SOS2: variants seen among roughly 807,000 people sequenced by gnomAD.
SOS2 encodes son of sevenless homolog 2.
SOS2 carries 65 observed loss-of-function variants against 148.2 expected under a neutral mutation model. The observed-to-expected ratio is 0.44, with a 90% confidence interval of 0.36 to 0.54. The LOEUF (loss-of-function observed/expected upper bound fraction) is 0.54, where lower values mean the gene tolerates loss of function less well. Ranked by LOEUF, SOS2 falls within the 20% of genes least tolerant of loss-of-function variation. SOS2 has a pLI of 0.00. For synonymous variants in SOS2, 539 were observed against 537.1 expected, an observed-to-expected ratio of 1.00 and a Z score of -0.05; for missense variants, 1,341 against 1,590.2, an observed-to-expected ratio of 0.84 and a Z score of 2.67.
intron 16 of SOS2, among the ~76,000 whole-genome samples, chr14:50,142,444 T>TA (rs1162519840): frequency 2.0e-5 from 3 of 151,798 alleles, no homozygotes; most frequent in Non-Finnish European, 4.4e-5. Flanking sequence ...AACAACCCAC[T>TA]AAAAAAAATA....
chr14:50,201,523 C>T (rs1328881643), intron 2 of SOS2, among the ~76,000 whole-genome samples: 5 of 94,438 alleles, frequency 5.3e-5, no homozygotes, highest in African/African-American at 1.8e-4. Flanking sequence ...GAGAGGGAGA[C>T]CCCCAACAGA....
chr14:50,180,703 A>G, intron 6 of SOS2, 21 bp from the exon 7 acceptor site: 1 of 1,311,470 alleles, frequency 7.6e-7, no homozygotes, highest in African/African-American at 1.5e-5. Context: ...AAAAAGAGAA[A>G]AAGCATTAGG....
chr14:50,161,004 C>T (rs181898381), intron 9 of SOS2, among the ~76,000 whole-genome samples: 108 of 151,672 alleles, frequency 7.1e-4, no homozygotes, highest in African/African-American at 2.5e-3. Flanking sequence ...GAGTGAGACC[C>T]TGTCTCTTAA....
intron 21 of SOS2, among the ~76,000 whole-genome samples, chr14:50,127,425 A>C (rs942914573): frequency 5.3e-5 from 8 of 152,120 alleles, no homozygotes; most frequent in African/African-American, 1.7e-4. Context: ...TACAGTCGTG[A>C]GCCACCGCGC....
Position 50,118,287 on chromosome 14 carries a change from T to C in SOS2, c.*57A>G, listed in dbSNP as rs1442457590. On this transcript the variant is annotated 3_prime_UTR_variant, in exon 23 of 23. Transcript: ENST00000216373. ...AATACTATGTCTTTTTTTGAATAAA[T>C]TAAAAAAAAAACTTTACAAATACCA... 2 of 1,424,152 alleles carry C rather than the reference T, an allele frequency of 1.4e-6. No individual in the cohort carries two copies. The highest frequency in any genetic ancestry group is 2.3e-5 in the Admixed American group (1 of 43,946). 88.2% of individuals were successfully genotyped at this position (1,424,152 alleles called of 1,614,324 possible).
In SOS2 at chr14:50,156,745, A is replaced by G. The variant is rs138637249; in HGVS notation, c.2057+254T>C. 5 of 191,390 alleles carry G rather than the reference A, an allele frequency of 2.6e-5. No individual in the cohort carries two copies. In the East Asian group the frequency reaches 6.3e-4, roughly 24 times the overall value. The allele number at this position is 191,390 out of a possible 1,614,324, so 11.9% of individuals were successfully genotyped here. ...CTGATACGTAAGCATAACATATCAC[A>G]TGCCAGAGATATGTGATGCAAACAT... On this transcript the variant is annotated intron_variant, in intron 12 of 22. Coordinates refer to ENST00000216373, the MANE Select transcript of SOS2 (RefSeq NM_006939.4).
rs777771034 is a variant in SOS2 at position 50,204,419 on chromosome 14, A to G, written c.88-10T>C. 1.1e-5 allele frequency: 17 copies of G among 1,527,252 alleles called. 1 individual carries two copies. In the African/African-American group the frequency reaches 2.4e-4, roughly 21 times the overall value. 94.6% of individuals were successfully genotyped at this position (1,527,252 alleles called of 1,614,324 possible). A position where few individuals can be genotyped will look rare whatever the true frequency, so the allele number is the denominator to read the frequency against. ...GCACTTGTTCCTGAACCTTTAAAAA[A>G]AAGTTATCAGTTAAAGTAATGGCAA... On this transcript the variant is annotated splice_polypyrimidine_tract_variant and intron_variant, in intron 1 of 22. Coordinates refer to ENST00000216373, the MANE Select transcript of SOS2 (RefSeq NM_006939.4).
intron 21 of SOS2, among the ~76,000 whole-genome samples, chr14:50,128,695 G>A (rs1279073322): frequency 6.6e-6 from 1 of 152,158 alleles, no homozygotes; most frequent in Non-Finnish European, 1.5e-5. Context: ...GGAGACTTGA[G>A]GTAGAGAACC....
At chr14:50,173,628 A>G (rs1200759844) in intron 8 of SOS2, among the ~76,000 whole-genome samples, 1 of 151,928 alleles carries the variant, frequency 6.6e-6, no homozygotes, top group Admixed American at 6.6e-5. Flanking sequence ...TCACCATGTT[A>G]GCCAGGATGG....
Position 50,159,959 on chromosome 14 carries a change from A to C in SOS2, c.1324T>G (p.Phe442Val). Residue 442 changes from phenylalanine (F) to valine (V), a missense_variant, in exon 10 of 23, where the codon TTC becomes GTC. Transcript: ENST00000216373. ...CTTGTCAATGGTCCCTCCATAATGAATTCATTACAACACTGTCCAATATCT... is the reference window on the plus strand; with the variant it reads ...CTTGTCAATGGTCCCTCCATAATGACTTCATTACAACACTGTCCAATATCT... ...GKDIGQCCNEFIMEGPLTRIG... is the reference protein window; with the variant it reads ...GKDIGQCCNEVIMEGPLTRIG... The C allele has an allele frequency of 6.2e-7, 1 of 1,614,162 alleles. No individual in the cohort carries two copies. Among genetic ancestry groups the C allele is most frequent in the Non-Finnish European group, 8.5e-7 (1 of 1,180,028 alleles).
intron 1 of SOS2, among the ~76,000 whole-genome samples, chr14:50,214,475 T>C (rs1300326975): frequency 6.6e-6 from 1 of 152,160 alleles, no homozygotes; most frequent in African/African-American, 2.4e-5. Flanking sequence ...ATTTTAGCCA[T>C]ACATTTCTAA....
chr14:50,211,791 C>G (rs138559650), intron 1 of SOS2, among the ~76,000 whole-genome samples: 1 of 152,008 alleles, frequency 6.6e-6, no homozygotes, highest in East Asian at 1.9e-4. Flanking sequence ...ATGTGTGGCT[C>G]ACATTGTATC....
chr14:50,212,080 A>G (rs914419460), intron 1 of SOS2, among the ~76,000 whole-genome samples: 2 of 152,250 alleles, frequency 1.3e-5, no homozygotes, highest in African/African-American at 4.8e-5. Context: ...TTCCATTCAC[A>G]AAGTCAGACA....
chr14:50,207,884 G>C (rs1886717682), intron 1 of SOS2, among the ~76,000 whole-genome samples: 1 of 145,832 alleles, frequency 6.9e-6, no homozygotes, highest in Non-Finnish European at 1.5e-5. Context: ...CTGGATGACT[G>C]AGCGAGACTC....
At chr14:50,119,852 C>G (rs1883441892) in intron 22 of SOS2, among the ~76,000 whole-genome samples, 1 of 124,780 alleles carries the variant, frequency 8.0e-6, no homozygotes, top group Non-Finnish European at 1.6e-5. Context: ...GCAATTGTTG[C>G]CCAGACTGGA....
chr14:50,140,126 T>C (rs1036123100), intron 16 of SOS2, 67 bp from the exon 17 acceptor site: 5 of 809,720 alleles, frequency 6.2e-6, no homozygotes, highest in Non-Finnish European at 9.8e-6. Flanking sequence ...ATGCAAACCT[T>C]TAAATTTTAT....
At chr14:50,154,886 T>G (rs1201423651) in intron 12 of SOS2, among the ~76,000 whole-genome samples, 1 of 152,180 alleles carries the variant, frequency 6.6e-6, no homozygotes, top group Non-Finnish European at 1.5e-5. Context: ...TACATGTATT[T>G]GTTAAAACTC....
intron 12 of SOS2, chr14:50,156,671 A>AGCTCACAT (rs1884831363): frequency 6.5e-6 from 1 of 154,256 alleles, no homozygotes; most frequent in South Asian, 2.0e-4. Context: ...ACAGCAGGAA[A>AGCTCACAT]GCTCACATGA....
At chr14:50,226,195 C>T (rs1213226420) in intron 1 of SOS2, among the ~76,000 whole-genome samples, 1 of 152,180 alleles carries the variant, frequency 6.6e-6, no homozygotes, top group Non-Finnish European at 1.5e-5. Context: ...GTAATCCCAG[C>T]ATTTTTGGAG....
Sources: gnomAD v4.1 joint callset for allele counts (sites outside exome capture counted in the v4.1 genomes callset) on GRCh38, gnomAD v4.1.1 for gene constraint, MANE v1.5 for transcripts, NCBI Gene and HGNC (gene_info 2026-07-23, HGNC 2026-07-21) for gene names.